SFSWAP: variants seen among roughly 807,000 people sequenced by gnomAD.
SFSWAP encodes the protein splicing factor SWAP, also known as splicing factor, suppressor of white-apricot homolog.
Under a neutral mutation model 100.7 loss-of-function variants are expected in SFSWAP, and 17 were observed. That is an observed-to-expected ratio of 0.17 (90% CI 0.12 to 0.25). The LOEUF is 0.25. Ranked by LOEUF, SFSWAP falls within the 10% of genes least tolerant of loss-of-function variation. The pLI, the probability that SFSWAP is intolerant of heterozygous loss-of-function variation, is 1.00. For synonymous variants in SFSWAP, 504 were observed against 510.1 expected (o/e 0.99, Z 0.16); for missense variants, 1,005 against 1,262.6 (o/e 0.80, Z 3.09).
At chr12:131,764,972 C>A (rs1213263888) in intron 12 of SFSWAP, among the ~76,000 whole-genome samples, 1 of 152,234 alleles carries the variant, frequency 6.6e-6, no homozygotes, top group Non-Finnish European at 1.5e-5. Context: ...GCATTAATGG[C>A]AGCTCACTTT....
At chr12:131,797,488 C>A in intron 16 of SFSWAP, 128 bp downstream of exon 16, 1 of 783,508 alleles carries the variant, frequency 1.3e-6, no homozygotes, top group South Asian at 1.9e-5. Flanking sequence ...GCCACAAAGC[C>A]AAACCGCACC....
At chr12:131,724,365 G>A (rs1242420079) in intron 4 of SFSWAP, among the ~76,000 whole-genome samples, 5 of 152,168 alleles carry the variant, frequency 3.3e-5, no homozygotes, top group Non-Finnish European at 5.9e-5. Flanking sequence ...AATCCAAGTC[G>A]TGGACATGCA....
rs541936249 is a variant in SFSWAP, at chr12:131,726,265, G to T, written c.832+635G>T. On this transcript the variant is annotated intron_variant, in intron 5 of 17. Coordinates refer to ENST00000261674, the MANE Select transcript of SFSWAP (RefSeq NM_004592.4). ...GTCGCCCAGGCTGGAGTGCAATGGC[G>T]TGAGCGCGATCTTGGCTTACTGCAA... Among the ~76,000 whole-genome samples the T allele has an allele frequency of 1.1e-3, 168 of 152,028 alleles. 1 individual carries two copies. The highest frequency in any genetic ancestry group is 1.9e-3 in the Non-Finnish European group (129 of 67,994).
In SFSWAP at chr12:131,785,512, G is replaced by A; in HGVS notation, c.2409-951G>A. 6 of 307,922 alleles carry A rather than the reference G, an allele frequency of 1.9e-5. No homozygotes were observed. The South Asian group carries it at 3.3e-4, about 17-fold the overall frequency. 19.1% of individuals were successfully genotyped at this position (307,922 alleles called of 1,614,324 possible). A position where few individuals can be genotyped will look rare whatever the true frequency, so the allele number is the denominator to read the frequency against. ...TCATGGAAACAAAATGGAAATAAAT[G>A]GTGTTTTTTTTCCAGATTTGTGCTC... On this transcript the variant is annotated intron_variant, in intron 14 of 17. Coordinates refer to ENST00000261674, the MANE Select transcript of SFSWAP (RefSeq NM_004592.4).
intron 14 of SFSWAP, among the ~76,000 whole-genome samples, chr12:131,780,378 C>A (rs1884402497): frequency 6.6e-6 from 1 of 152,220 alleles, no homozygotes; most frequent in Admixed American, 6.5e-5. Context: ...AGGCCAGGCA[C>A]AATGGCTCAC....
In SFSWAP at chr12:131,766,214, G is replaced by A. The variant is rs1035678431; in HGVS notation, c.2048G>A (p.Arg683His). The A allele has an allele frequency of 1.9e-6, 3 of 1,614,056 alleles. No individual in the cohort carries two copies. The highest frequency in any genetic ancestry group is 1.3e-5 in the African/African-American group (1 of 74,914). Residue 683 changes from arginine (R) to histidine (H), a missense_variant, in exon 13 of 18, where the codon CGT (arginine) becomes CAT (histidine). Physicochemically the swap from Arg to His is conservative, Grantham distance 29. Transcript: ENST00000261674. ...AAAGAGAAACAGCTTCAAGCAGAAC[G>A]TAAAAGGAAAGCGGCGTTATTTTTA... ...ESKEKQLQAE[R>H]KRKAALFLQT...
rs1453042261 is a variant in SFSWAP, at chr12:131,734,899, G to T, written c.1081+6471G>T. Among the ~76,000 whole-genome samples, 3 of 149,274 alleles carry T rather than the reference G, an allele frequency of 2.0e-5. No individual in the cohort carries two copies. Among genetic ancestry groups the T allele is most frequent in the African/African-American group, 7.4e-5 (3 of 40,720 alleles). ...CAGATACCATCTCAGCCGGCATGGC[G>T]CATGGGGGTGGGGTGGGGCAGTGAG... On this transcript the variant is annotated intron_variant, in intron 7 of 17. Coordinates refer to ENST00000261674, the MANE Select transcript of SFSWAP (RefSeq NM_004592.4). The surrounding 1 kb of genome is among the most constrained non-coding windows in gnomAD (Gnocchi z 4.9).
At chr12:131,766,048 T>C in intron 12 of SFSWAP, 70 bp from the exon 13 acceptor site, 1 of 1,473,020 alleles carries the variant, frequency 6.8e-7, no homozygotes, top group Non-Finnish European at 9.2e-7. Context: ...TTTTGCAACC[T>C]GTGAAAATTA....
intron 11 of SFSWAP, among the ~76,000 whole-genome samples, chr12:131,760,616 A>G (rs1882581417): frequency 6.6e-6 from 1 of 152,154 alleles, no homozygotes; most frequent in Non-Finnish European, 1.5e-5. Context: ...TTTTACCAAG[A>G]TGTCTATACA....
intron 7 of SFSWAP, among the ~76,000 whole-genome samples, chr12:131,739,536 C>CTTTTTTTTTTTTTTT (rs777610140): frequency 1.6e-5 from 1 of 60,880 alleles, no homozygotes; most frequent in East Asian, 4.6e-4. Flanking sequence ...TCCCCAGTTG[C>CTTTTTTTTTTTTTTT]TTTTTTTTTT....
chr12:131,711,739 T>G lies in SFSWAP; in HGVS notation c.218+292T>G. The stretch of plus-strand genomic sequence containing the variant: ...CCTGTCGCTGGGCTGCAGTTGGCGA[T>G]TCCGCGCGGTGAAAGCAGCCAGTGC... On this transcript the variant is annotated intron_variant, in intron 1 of 17. Coordinates refer to ENST00000261674, the MANE Select transcript of SFSWAP (RefSeq NM_004592.4). The surrounding 1 kb of genome is among the most constrained non-coding windows in gnomAD (Gnocchi z 4.9). The G allele has an allele frequency of 7.8e-6, 3 of 384,362 alleles. No individual in the cohort carries two copies. The highest frequency in any genetic ancestry group is 9.7e-6 in the Non-Finnish European group (2 of 207,170). 23.8% of individuals were successfully genotyped at this position (384,362 alleles called of 1,614,324 possible).
intron 6 of SFSWAP, among the ~76,000 whole-genome samples, chr12:131,727,748 A>G (rs1002476563): frequency 1.3e-5 from 2 of 152,232 alleles, no homozygotes; most frequent in African/African-American, 4.8e-5. Context: ...GATTGTTTTT[A>G]AATAAATATT....
rs1242770032 is a variant in SFSWAP at position 131,757,788 on chromosome 12, G to A, written c.1720+1144G>A. 2.6e-5 allele frequency among the ~76,000 whole-genome samples: 4 copies of A among 152,118 alleles called. No individual in the cohort carries two copies. The South Asian group carries it at 6.2e-4, about 24-fold the overall frequency. ...TGTCTTTGGGCCTCTCATTCGAGTA[G>A]GTTACCTGAGCACAAGTGATCCAGC... On this transcript the variant is annotated intron_variant, in intron 11 of 17. Transcript: ENST00000261674.
intron 13 of SFSWAP, 84 bp downstream of exon 13, chr12:131,766,392 G>A: frequency 7.7e-7 from 1 of 1,298,014 alleles, no homozygotes; most frequent in Non-Finnish European, 1.1e-6. Context: ...AGCTGCCCTA[G>A]TCTCTGGCCT....
At chr12:131,796,321 T>C (rs1226390106) in intron 15 of SFSWAP, 1 of 152,284 alleles carries the variant, frequency 6.6e-6, no homozygotes, top group Non-Finnish European at 1.5e-5. Context: ...GGCTCAGGTG[T>C]GGAATGAAGC....
chr12:131,765,812 A>G (rs1302313247), intron 12 of SFSWAP, among the ~76,000 whole-genome samples: 2 of 42,528 alleles, frequency 4.7e-5, no homozygotes, highest in Admixed American at 3.8e-4. Context: ...GGAATAAAAC[A>G]CTTATAGAGT....
chr12:131,796,906 T>A, intron 15 of SFSWAP: 1 of 374,972 alleles, frequency 2.7e-6, no homozygotes, highest in Non-Finnish European at 4.8e-6. Context: ...CTGTGGTGGC[T>A]TATCTTAGGT....
At chr12:131,764,418 C>G in intron 11 of SFSWAP, 38 bp from the exon 12 acceptor site, 1 of 1,556,864 alleles carries the variant, frequency 6.4e-7, no homozygotes, top group Non-Finnish European at 8.8e-7. Flanking sequence ...GATTTCCACT[C>G]TGTAACATGT....
chr12:131,749,193 A>T (rs1881401224), intron 7 of SFSWAP, among the ~76,000 whole-genome samples: 1 of 152,184 alleles, frequency 6.6e-6, no homozygotes, highest in Non-Finnish European at 1.5e-5. Flanking sequence ...TCGGTGGGTT[A>T]TAGGTGGATT....
Sources: gnomAD v4.1 joint callset for allele counts (sites outside exome capture counted in the v4.1 genomes callset) on GRCh38, gnomAD v4.1.1 for gene constraint, Gnocchi (gnomAD v3.1) non-coding constraint, MANE v1.5 for transcripts, NCBI Gene and HGNC (gene_info 2026-07-23, HGNC 2026-07-21) for gene names.